CREB5: variants seen among roughly 807,000 people sequenced by gnomAD.
CREB5 encodes cAMP responsive element binding protein 5.
A neutral mutation model predicts 57.1 loss-of-function variants in CREB5; 19 were observed. The observed-to-expected ratio is 0.33, with a 90% CI of 0.23 to 0.49. The LOEUF (loss-of-function observed/expected upper bound fraction) is 0.49. Ranked by LOEUF, CREB5 falls within the 20% of genes least tolerant of loss-of-function variation. CREB5 has a pLI of 0.99. For synonymous variants in CREB5, 238 were observed against 238.3 expected (o/e 1.00, Z 0.01); for missense variants, 579 against 671.6 (o/e 0.86, Z 1.52).
At chr7:28,517,738 T>G (rs944362408) in intron 4 of CREB5, among the ~76,000 whole-genome samples, 1 of 152,076 alleles carries the variant, frequency 6.6e-6, no homozygotes, top group Non-Finnish European at 1.5e-5. Context: ...TCTGCTTGAC[T>G]GTTGTTAGGT....
intron 5 of CREB5, among the ~76,000 whole-genome samples, chr7:28,619,309 A>G (rs1016542327): frequency 5.3e-5 from 8 of 152,196 alleles, no homozygotes; most frequent in Non-Finnish European, 1.2e-4. Context: ...GGAAGAGAAG[A>G]TCTTTCCAAA....
chr7:28,494,202 C>G (rs1791920831), intron 2 of CREB5, among the ~76,000 whole-genome samples: 1 of 152,154 alleles, frequency 6.6e-6, no homozygotes, highest in Admixed American at 6.5e-5. Flanking sequence ...GGTCTAAATT[C>G]ACTTTCATGT....
chr7:28,688,384 C>CT (rs568651887), intron 5 of CREB5, among the ~76,000 whole-genome samples: 29 of 152,284 alleles, frequency 1.9e-4, no homozygotes, highest in Non-Finnish European at 4.0e-4. Flanking sequence ...GACACAGACC[C>CT]TTGTGCTTCA....
chr7:28,802,669 T>C (rs1367395955), intron 7 of CREB5, among the ~76,000 whole-genome samples: 2 of 152,256 alleles, frequency 1.3e-5, no homozygotes, highest in African/African-American at 4.8e-5. Flanking sequence ...ATTATGCCCC[T>C]CGGGATATGA....
At chr7:28,410,025 T>G, upstream of CREB5, 1 of 448,594 alleles carries the variant, frequency 2.2e-6, no homozygotes, top group Non-Finnish European at 4.5e-6. Context: ...GTTTGCAAAC[T>G]TCCAGCGGGC....
intron 5 of CREB5, among the ~76,000 whole-genome samples, chr7:28,576,460 A>T (rs1369782512): frequency 1.3e-5 from 2 of 152,214 alleles, no homozygotes; most frequent in Non-Finnish European, 2.9e-5. Flanking sequence ...ACTCAAAAGC[A>T]CATGTTTCCC....
intron 4 of CREB5, among the ~76,000 whole-genome samples, chr7:28,524,992 C>T (rs1368722342): frequency 6.9e-6 from 1 of 145,104 alleles, no homozygotes; most frequent in African/African-American, 2.5e-5. Context: ...CACCCCCGAC[C>T]CTTCCCAGCT....
At chr7:28,672,185 AAAAACAC>A (rs1165316092) in intron 5 of CREB5, among the ~76,000 whole-genome samples, 4 of 111,646 alleles carry the variant, frequency 3.6e-5, no homozygotes, top group African/African-American at 1.0e-4. Context: ...GAAAAAAAAA[AAAAACAC>A]ACACACACAC....
intron 7 of CREB5, among the ~76,000 whole-genome samples, chr7:28,764,032 G>C (rs958665737): frequency 9.9e-5 from 15 of 151,850 alleles, no homozygotes; most frequent in Non-Finnish European, 1.8e-4. Flanking sequence ...CAAACTCCTG[G>C]CCTCAAGCAA....
intron 1 of CREB5, among the ~76,000 whole-genome samples, chr7:28,341,241 A>G (rs1043729513): frequency 2.0e-5 from 3 of 152,052 alleles, no homozygotes; most frequent in Non-Finnish European, 4.4e-5. Flanking sequence ...ATTTTACACT[A>G]TATCATAAGC....
chr7:28,390,357 G>T (rs1787192073), intron 1 of CREB5, among the ~76,000 whole-genome samples: 2 of 152,020 alleles, frequency 1.3e-5, no homozygotes, highest in South Asian at 4.2e-4. Flanking sequence ...AATGCTTATC[G>T]GCAAACCTTC....
At chr7:28,467,367 C>A (rs1790629217) in intron 1 of CREB5, among the ~76,000 whole-genome samples, 1 of 152,190 alleles carries the variant, frequency 6.6e-6, no homozygotes, top group African/African-American at 2.4e-5. Context: ...GGGCATTACA[C>A]ACAAACACAT....
At position 28,457,013 on chromosome 7, in the gene CREB5, G is replaced by A. The variant is rs201050977; in HGVS notation, c.4-31162G>A. On this transcript the variant is annotated intron_variant, in intron 1 of 10. Transcript: ENST00000357727. ...GCTGTTACATTTTGGGGTCATTCCTGCTACTTAGTAATATAGCAGAGGGCA... is the reference window on the plus strand; with the variant it reads ...GCTGTTACATTTTGGGGTCATTCCTACTACTTAGTAATATAGCAGAGGGCA... Among the ~76,000 whole-genome samples, 12 of 152,312 alleles carry A rather than the reference G, an allele frequency of 7.9e-5. No individual in the cohort carries two copies. In the East Asian group the frequency reaches 2.3e-3, roughly 29 times the overall value.
chr7:28,387,200 T>A (rs964323479), intron 1 of CREB5, among the ~76,000 whole-genome samples: 1 of 152,212 alleles, frequency 6.6e-6, no homozygotes, highest in Admixed American at 6.5e-5. Context: ...ACCATCAGTG[T>A]AAAAGCATTC....
At chr7:28,777,101 A>G (rs978250344) in intron 7 of CREB5, among the ~76,000 whole-genome samples, 1 of 152,190 alleles carries the variant, frequency 6.6e-6, no homozygotes, top group African/African-American at 2.4e-5. Context: ...ACTCTGTTCA[A>G]TCTTTTGAGG....
At chr7:28,474,083 C>T (rs548986716) in intron 1 of CREB5, among the ~76,000 whole-genome samples, 1 of 152,268 alleles carries the variant, frequency 6.6e-6, no homozygotes, top group East Asian at 1.9e-4. Context: ...AAATTCTCTC[C>T]CTCTGAGAAG....
intron 1 of CREB5, among the ~76,000 whole-genome samples, chr7:28,312,191 T>TAAAA (rs10692775): frequency 6.8e-6 from 1 of 147,304 alleles, no homozygotes; most frequent in African/African-American, 2.5e-5. Context: ...AGCTAATTGA[T>TAAAA]AAAAAAAAAA....
chr7:28,778,107 G>T (rs752260415), intron 7 of CREB5, among the ~76,000 whole-genome samples: 7 of 152,126 alleles, frequency 4.6e-5, no homozygotes, highest in Non-Finnish European at 1.0e-4. Flanking sequence ...GATGACACAG[G>T]CATACAAAAC....
intron 5 of CREB5, among the ~76,000 whole-genome samples, chr7:28,640,159 G>A (rs1170555104): frequency 6.6e-6 from 1 of 152,124 alleles, no homozygotes; most frequent in East Asian, 1.9e-4. Flanking sequence ...CCTAAATGGT[G>A]AAACTCTAGA....
Sources: gnomAD v4.1 joint callset for allele counts (sites outside exome capture counted in the v4.1 genomes callset) on GRCh38, gnomAD v4.1.1 for gene constraint, MANE v1.5 for transcripts, NCBI Gene and HGNC (gene_info 2026-07-23, HGNC 2026-07-21) for gene names.